PRDM16: variants seen among roughly 807,000 people sequenced by gnomAD.
The protein encoded by PRDM16 is PR/SET domain 16.
Under a neutral mutation model 110.6 loss-of-function variants are expected in PRDM16, and 23 were observed. That is an observed-to-expected ratio of 0.21 (90% CI 0.15 to 0.29). The LOEUF is 0.29. PRDM16 is among the 10% of genes least tolerant of loss of function. The pLI, the probability that PRDM16 is intolerant of heterozygous loss-of-function variation, is 1.00. For missense variants in PRDM16, 1,615 were observed against 1,794.3 expected (o/e 0.90, Z 1.81); for synonymous variants, 799 against 781.8 (o/e 1.02, Z -0.37).
intron 3 of PRDM16, among the ~76,000 whole-genome samples, chr1:3,263,522 C>T (rs1257667127): frequency 1.3e-5 from 2 of 152,228 alleles, no homozygotes; most frequent in Admixed American, 1.3e-4. Context: ...CCCAGAAGAG[C>T]CCAGCCTGAA....
At chr1:3,248,776 G>A (rs1227666860) in intron 3 of PRDM16, among the ~76,000 whole-genome samples, 1 of 152,216 alleles carries the variant, frequency 6.6e-6, no homozygotes. Context: ...TTTGTGAAAT[G>A]ATTATTTGGA....
intron 4 of PRDM16, among the ~76,000 whole-genome samples, chr1:3,388,621 A>T (rs1239291897): frequency 6.6e-6 from 1 of 152,154 alleles, no homozygotes; most frequent in Admixed American, 6.5e-5. Flanking sequence ...GGCTGAGGAG[A>T]GAGGCCGCTC....
intron 2 of PRDM16, among the ~76,000 whole-genome samples, chr1:3,188,298 G>A (rs572025567): frequency 2.0e-5 from 3 of 152,368 alleles, no homozygotes; most frequent in African/African-American, 7.2e-5. Flanking sequence ...AGGTCCAGGG[G>A]CCCTGCAGGT....
intron 3 of PRDM16, among the ~76,000 whole-genome samples, chr1:3,365,651 C>G (rs1267751292): frequency 1.3e-5 from 2 of 152,240 alleles, no homozygotes; most frequent in African/African-American, 4.8e-5. Flanking sequence ...TAGCTGCAGG[C>G]AGAGGTGTCA....
rs560036566 is a variant in PRDM16 at position 3,326,522 on chromosome 1, C to T, written c.439-58630C>T. Among the ~76,000 whole-genome samples, 47 of 152,220 alleles carry T rather than the reference C, an allele frequency of 3.1e-4. 1 individual carries two copies. The highest frequency in any genetic ancestry group is 9.9e-4 in the African/African-American group (41 of 41,524). On this transcript the variant is annotated intron_variant, in intron 3 of 16. Transcript: ENST00000270722. ...CTTGGTGGGAGCTGACCCTGGAATC[C>T]GACCTGGCCTGGAGGTCAACCAAGG...
At chr1:3,274,329 C>A (rs1363215095) in intron 3 of PRDM16, among the ~76,000 whole-genome samples, 2 of 152,142 alleles carry the variant, frequency 1.3e-5, no homozygotes, top group Non-Finnish European at 2.9e-5. Flanking sequence ...AGGTGCCATT[C>A]ACTTTTCTTA....
intron 3 of PRDM16, among the ~76,000 whole-genome samples, chr1:3,301,806 C>T (rs1364051657): frequency 1.3e-5 from 2 of 152,238 alleles, no homozygotes; most frequent in African/African-American, 4.8e-5. Context: ...GAGCCACATT[C>T]TGTGTTTTCC....
chr1:3,349,299 GGGCCGCACC>G (rs992530820), intron 3 of PRDM16, among the ~76,000 whole-genome samples: 4 of 152,324 alleles, frequency 2.6e-5, no homozygotes, highest in African/African-American at 7.2e-5. Context: ...GGTGTGGACG[GGGCCGCACC>G]GGCACGCTGT....
intron 4 of PRDM16, chr1:3,394,398 C>T: frequency 4.5e-6 from 2 of 449,070 alleles, no homozygotes; most frequent in African/African-American, 2.0e-5. Context: ...CAGCCCTCTG[C>T]CCGCCAGTGG....
In PRDM16 at chr1:3,209,310, A is replaced by G. The variant is rs2100841471; in HGVS notation, c.387+22836A>G. Among the ~76,000 whole-genome samples, 1 of 152,346 alleles carries G rather than the reference A, an allele frequency of 6.6e-6. No homozygotes were observed. Among genetic ancestry groups the G allele is most frequent in the Non-Finnish European group, 1.5e-5 (1 of 68,032 alleles). On this transcript the variant is annotated intron_variant, in intron 2 of 16. Transcript: ENST00000270722. This position sits in a 1 kb window ranked among gnomAD's most constrained non-coding sequence, Gnocchi z 4.6. ...GTCACGCTGAACAGTAACTGTGGGC[A>G]GGGACAGCACTGCACGTTTGACATC...
chr1:3,217,489 T>G (rs529861114), intron 2 of PRDM16, among the ~76,000 whole-genome samples: 209 of 152,328 alleles, frequency 1.4e-3, no homozygotes, highest in Non-Finnish European at 2.5e-3. Context: ...GGAAAACCGC[T>G]CCTTTCTGCT....
rs1433763624 is a variant in PRDM16, at chr1:3,353,867, T to A, written c.439-31285T>A. 2.0e-5 allele frequency among the ~76,000 whole-genome samples: 3 copies of A among 151,990 alleles called. No individual in the cohort carries two copies. The highest frequency in any genetic ancestry group is 7.2e-5 in the African/African-American group (3 of 41,428). On this transcript the variant is annotated intron_variant, in intron 3 of 16. Transcript: ENST00000270722. This position sits in a 1 kb window ranked among gnomAD's most constrained non-coding sequence, Gnocchi z 5.4. The stretch of plus-strand genomic sequence containing the variant: ...ATGACAGGCGCAGCTGGGAGCAGCT[T>A]GGTAGACCTAGGGGGTCTTTCTAGA...
chr1:3,093,517 T>G (rs1209077985), intron 1 of PRDM16, among the ~76,000 whole-genome samples: 2 of 152,166 alleles, frequency 1.3e-5, no homozygotes, highest in Non-Finnish European at 2.9e-5. Flanking sequence ...TGCCACAGGT[T>G]GTGTGCTCTC....
intron 3 of PRDM16, among the ~76,000 whole-genome samples, chr1:3,325,712 A>G (rs1162821432): frequency 6.6e-6 from 1 of 152,174 alleles, no homozygotes; most frequent in African/African-American, 2.4e-5. Context: ...CAGCCTCTCC[A>G]GGTCTGGTGT....
chr1:3,317,168 A>G (rs530330336), intron 3 of PRDM16, among the ~76,000 whole-genome samples: 1 of 152,312 alleles, frequency 6.6e-6, no homozygotes, highest in Non-Finnish European at 1.5e-5. Context: ...GTGGTTGGAC[A>G]GTGTGACCAG....
chr1:3,146,617 G>T (rs1369058613), intron 1 of PRDM16, among the ~76,000 whole-genome samples: 1 of 147,496 alleles, frequency 6.8e-6, no homozygotes, highest in Non-Finnish European at 1.5e-5. Context: ...AGTGTGGGGG[G>T]TGTGTGTGCA....
intron 1 of PRDM16, among the ~76,000 whole-genome samples, chr1:3,130,314 T>G (rs1643306862): frequency 6.6e-6 from 1 of 152,118 alleles, no homozygotes; most frequent in Non-Finnish European, 1.5e-5. Flanking sequence ...AGGGCTGTGG[T>G]CTAAGCGCAC....
intron 2 of PRDM16, among the ~76,000 whole-genome samples, chr1:3,195,226 G>A (rs573040117): frequency 4.0e-4 from 61 of 152,338 alleles, no homozygotes; most frequent in Non-Finnish European, 6.2e-4. Flanking sequence ...CGGCAGTGCC[G>A]TGGAGGAGTC....
At chr1:3,380,725 C>T (rs1383546403) in intron 3 of PRDM16, among the ~76,000 whole-genome samples, 2 of 152,202 alleles carry the variant, frequency 1.3e-5, no homozygotes, top group African/African-American at 2.4e-5. Flanking sequence ...ACGCAAATAC[C>T]TGCAGGGCCA....
Sources: gnomAD v4.1 joint callset for allele counts (sites outside exome capture counted in the v4.1 genomes callset) on GRCh38, gnomAD v4.1.1 for gene constraint, Gnocchi (gnomAD v3.1) non-coding constraint, MANE v1.5 for transcripts, NCBI Gene and HGNC (gene_info 2026-07-23, HGNC 2026-07-21) for gene names.